PCDH15: variants seen among roughly 807,000 people sequenced by gnomAD.
PCDH15 encodes protocadherin related 15, also known as protocadherin-15.
A neutral mutation model predicts 178.5 loss-of-function variants in PCDH15; 129 were observed. The ratio of observed to expected loss-of-function variants is 0.72; its 90% confidence interval spans 0.63 to 0.84. The LOEUF is 0.84. PCDH15 is among the 40% of genes least tolerant of loss of function. The probability of loss-of-function intolerance (pLI) is 0.00; values close to 1 mark genes in which losing one functional copy is unlikely to be tolerated. For missense variants in PCDH15, 2,230 were observed against 2,099.9 expected, an observed-to-expected ratio of 1.06 and a Z score of -1.21; for synonymous variants, 800 against 732.0, an observed-to-expected ratio of 1.09 and a Z score of -1.50.
chr10:55,138,481 T>G (rs537798155), intron 2 of PCDH15, among the ~76,000 whole-genome samples: 1 of 152,102 alleles, frequency 6.6e-6, no homozygotes, highest in Non-Finnish European at 1.5e-5. Flanking sequence ...CCACAACTTG[T>G]AGGGAACTCT....
chr10:55,073,947 G>C (rs1224940862), intron 2 of PCDH15, among the ~76,000 whole-genome samples: 1 of 151,862 alleles, frequency 6.6e-6, no homozygotes. Flanking sequence ...ACACTTGTAA[G>C]TGAGAACATG....
intron 10 of PCDH15, among the ~76,000 whole-genome samples, chr10:54,201,413 T>C (rs1266947829): frequency 6.6e-6 from 1 of 151,842 alleles, no homozygotes; most frequent in African/African-American, 2.4e-5. Context: ...TTTTTCTATA[T>C]TTATAATATG....
chr10:54,875,010 C>T (rs1179800456), intron 3 of PCDH15, among the ~76,000 whole-genome samples: 1 of 152,090 alleles, frequency 6.6e-6, no homozygotes, highest in Non-Finnish European at 1.5e-5. Flanking sequence ...TATATACAAG[C>T]ACGCTTCATT....
At chr10:54,952,545 T>C (rs1057087416) in intron 2 of PCDH15, among the ~76,000 whole-genome samples, 3 of 151,806 alleles carry the variant, frequency 2.0e-5, no homozygotes, top group Non-Finnish European at 4.4e-5. Flanking sequence ...CAGAATAACT[T>C]GGGATTTTGA....
chr10:54,284,077 C>T (rs1196043624), intron 8 of PCDH15, among the ~76,000 whole-genome samples: 1 of 152,136 alleles, frequency 6.6e-6, no homozygotes, highest in Non-Finnish European at 1.5e-5. Flanking sequence ...TCAACCCATC[C>T]TTTCATCTCG....
intron 3 of PCDH15, among the ~76,000 whole-genome samples, chr10:54,875,230 A>G (rs778514738): frequency 1.1e-4 from 17 of 152,100 alleles, no homozygotes; most frequent in Non-Finnish European, 2.1e-4. Context: ...TGATGTTACT[A>G]TTGTAATTGT....
At chr10:54,774,936 G>T (rs1387210290) in intron 1 of PCDH15, among the ~76,000 whole-genome samples, 2 of 152,012 alleles carry the variant, frequency 1.3e-5, no homozygotes, top group African/African-American at 2.4e-5. Context: ...TTTACTTTGA[G>T]GTTTACTTGA....
intron 2 of PCDH15, among the ~76,000 whole-genome samples, chr10:54,613,978 T>A (rs2093049522): frequency 6.6e-6 from 1 of 151,932 alleles, no homozygotes; most frequent in African/African-American, 2.4e-5. Context: ...ATTGAATAGT[T>A]TATTATTTTC....
chr10:54,529,974 A>C (rs1439945392), intron 2 of PCDH15, among the ~76,000 whole-genome samples: 1 of 152,044 alleles, frequency 6.6e-6, no homozygotes, highest in Non-Finnish European at 1.5e-5. Context: ...AATAGATAAA[A>C]ATTATGTATT....
intron 2 of PCDH15, among the ~76,000 whole-genome samples, chr10:55,612,809 T>C (rs1399042336): frequency 2.0e-5 from 3 of 152,156 alleles, no homozygotes; most frequent in African/African-American, 4.8e-5. Flanking sequence ...CCTAGTGTAA[T>C]TCCTACAAAT....
At chr10:55,431,481 A>T (rs1379450270) in intron 2 of PCDH15, among the ~76,000 whole-genome samples, 1 of 152,184 alleles carries the variant, frequency 6.6e-6, no homozygotes. Flanking sequence ...CAGGTCATAA[A>T]GCTAGTAATT....
At chr10:55,375,328 T>C (rs1837368270) in intron 2 of PCDH15, among the ~76,000 whole-genome samples, 1 of 152,158 alleles carries the variant, frequency 6.6e-6, no homozygotes, top group Non-Finnish European at 1.5e-5. Context: ...TGATTTTTTT[T>C]CCTGTGATCA....
intron 18 of PCDH15, among the ~76,000 whole-genome samples, chr10:54,026,192 C>T (rs1384986431): frequency 1.3e-5 from 2 of 152,086 alleles, no homozygotes; most frequent in African/African-American, 4.8e-5. Context: ...CCTCAGCGTC[C>T]TGCGCAGCTG....
intron 3 of PCDH15, among the ~76,000 whole-genome samples, chr10:54,880,223 C>T (rs1249735188): frequency 1.3e-5 from 2 of 152,106 alleles, no homozygotes; most frequent in South Asian, 2.1e-4. Context: ...GAGTTAAAGT[C>T]GCTAACTTGC....
At chr10:55,129,538 T>C (rs370971663) in intron 2 of PCDH15, among the ~76,000 whole-genome samples, 2 of 152,108 alleles carry the variant, frequency 1.3e-5, no homozygotes, top group East Asian at 1.9e-4. Flanking sequence ...AATTCTTCTC[T>C]CTTATGACAA....
intron 1 of PCDH15, among the ~76,000 whole-genome samples, chr10:54,710,228 T>A (rs1350139149): frequency 1.3e-5 from 2 of 151,954 alleles, no homozygotes; most frequent in African/African-American, 2.4e-5. Context: ...CATGCAATGA[T>A]TCTTTACAAA....
In PCDH15 at chr10:54,486,671, AT is replaced by A. The variant is rs376180667; in HGVS notation, c.157+41140del. On this transcript the variant is annotated intron_variant, in intron 3 of 37. Transcript: ENST00000644397. ...TTTCTTGTTAGCAGTAAAAATCTTG[AT>A]TTTTTTTGTAAGTCTAAAAGACTGT... 3.2e-4 allele frequency among the ~76,000 whole-genome samples: 48 copies of A among 148,252 alleles called. No homozygotes were observed. The East Asian group carries it at 7.8e-3, about 24-fold the overall frequency.
intron 8 of PCDH15, among the ~76,000 whole-genome samples, chr10:54,313,000 T>A (rs2133539088): frequency 6.6e-6 from 1 of 152,230 alleles, no homozygotes; most frequent in South Asian, 2.1e-4. Context: ...TTTCAAAGTA[T>A]GTTAAGGAAT....
intron 1 of PCDH15, among the ~76,000 whole-genome samples, chr10:54,683,893 A>T (rs1197947146): frequency 6.6e-6 from 1 of 152,104 alleles, no homozygotes; most frequent in East Asian, 1.9e-4. Flanking sequence ...TGTTAAAATG[A>T]TAGTTTGAAA....
Sources: gnomAD v4.1 joint callset for allele counts (sites outside exome capture counted in the v4.1 genomes callset) on GRCh38, gnomAD v4.1.1 for gene constraint, MANE v1.5 for transcripts, NCBI Gene and HGNC (gene_info 2026-07-23, HGNC 2026-07-21) for gene names.